Variants in TENM2 observed in about 807,000 individuals in gnomAD.
The protein encoded by TENM2 is teneurin-2.
A neutral mutation model predicts 245.2 loss-of-function variants in TENM2; 52 were observed. The ratio of observed to expected loss-of-function variants is 0.21; its 90% confidence interval spans 0.17 to 0.27. The LOEUF (loss-of-function observed/expected upper bound fraction) is 0.27, where lower values mean the gene tolerates loss of function less well. Among genes scored for constraint, TENM2 ranks in the 10% least tolerant of loss-of-function variants. The pLI is 1.00. For synonymous variants in TENM2, 1,363 were observed against 1,438.9 expected (o/e 0.95, Z 1.19); for missense variants, 3,046 against 3,666.8 (o/e 0.83, Z 4.37).
intron 13 of TENM2, chr5:168,166,002 GC>G (rs1386695944): frequency 6.6e-6 from 1 of 152,056 alleles, no homozygotes; most frequent in African/African-American, 2.4e-5. Flanking sequence ...TAGGAGGTGT[GC>G]TAAGCACTTT....
chr5:167,779,884 G>A (rs1469643953), intron 2 of TENM2, among the ~76,000 whole-genome samples: 1 of 152,206 alleles, frequency 6.6e-6, no homozygotes, highest in Non-Finnish European at 1.5e-5. Context: ...GGGGAGGGAG[G>A]AAGGAAACAC....
At chr5:167,253,463 A>G in the TENM2 span, among the ~76,000 whole-genome samples, 1 of 152,122 alleles carries the variant, frequency 6.6e-6, no homozygotes, top group East Asian at 1.9e-4. Context: ...AAACAAAAAA[A>G]AGTGACCTCT....
chr5:166,990,590 A>G, the TENM2 span, among the ~76,000 whole-genome samples: 1 of 151,824 alleles, frequency 6.6e-6, no homozygotes, highest in African/African-American at 2.4e-5. Context: ...ATGGTTCTCC[A>G]GTTTGGGGAA....
chr5:167,329,972 T>G (rs1757344654), intron 1 of TENM2, among the ~76,000 whole-genome samples: 1 of 152,194 alleles, frequency 6.6e-6, no homozygotes. Flanking sequence ...ACAAATTATG[T>G]TACTGTCCTG....
At chr5:167,025,185 T>G in the TENM2 span, among the ~76,000 whole-genome samples, 1 of 152,348 alleles carries the variant, frequency 6.6e-6, no homozygotes, top group African/African-American at 2.4e-5. Context: ...TTAATTTTAA[T>G]AATATATTTT....
At chr5:167,999,604 G>T (rs1431319267) in intron 5 of TENM2, among the ~76,000 whole-genome samples, 1 of 152,174 alleles carries the variant, frequency 6.6e-6, no homozygotes, top group Admixed American at 6.5e-5. Context: ...TTGACATTCA[G>T]AAAAAATGAA....
At chr5:167,976,990 A>C (rs1782489489) in intron 4 of TENM2, among the ~76,000 whole-genome samples, 1 of 152,334 alleles carries the variant, frequency 6.6e-6, no homozygotes, top group African/African-American at 2.4e-5. Flanking sequence ...ATGCAGCCAT[A>C]AAAAATGAGA....
At chr5:167,033,244 G>C in the TENM2 span, among the ~76,000 whole-genome samples, 3 of 152,144 alleles carry the variant, frequency 2.0e-5, no homozygotes. Context: ...CTTTATTCGT[G>C]CTATTTTTTG....
intron 2 of TENM2, among the ~76,000 whole-genome samples, chr5:167,454,490 G>A (rs1216714089): frequency 2.6e-5 from 4 of 151,722 alleles, no homozygotes; most frequent in Non-Finnish European, 4.4e-5. Context: ...GTGCACACGT[G>A]TGTATGTGTC....
chr5:168,167,037 G>A (rs1329012794), intron 13 of TENM2, among the ~76,000 whole-genome samples: 1 of 152,118 alleles, frequency 6.6e-6, no homozygotes, highest in Non-Finnish European at 1.5e-5. Flanking sequence ...AAATGGTTCA[G>A]ACAGACACGG....
chr5:167,986,052 T>A (rs957581891), intron 4 of TENM2, among the ~76,000 whole-genome samples: 2 of 152,140 alleles, frequency 1.3e-5, no homozygotes, highest in Non-Finnish European at 2.9e-5. Flanking sequence ...GAGGTTTTTT[T>A]GTTTGTTAGG....
intron 3 of TENM2, among the ~76,000 whole-genome samples, chr5:167,883,748 A>G (rs188301656): frequency 2.4e-4 from 36 of 152,304 alleles, no homozygotes; most frequent in Middle Eastern, 3.4e-3. Context: ...TTTACCCAGA[A>G]CTTCAGCTTC....
intron 2 of TENM2, among the ~76,000 whole-genome samples, chr5:167,633,230 G>A (rs1053544431): frequency 2.0e-5 from 3 of 152,138 alleles, no homozygotes; most frequent in Admixed American, 6.5e-5. Context: ...GAGGAGGTTC[G>A]CTAAGTAACT....
chr5:167,238,659 T>G, the TENM2 span, among the ~76,000 whole-genome samples: 1 of 128,436 alleles, frequency 7.8e-6, no homozygotes, highest in African/African-American at 3.2e-5. Flanking sequence ...AATGACTAGA[T>G]AAGTTGGCCT....
the TENM2 span, among the ~76,000 whole-genome samples, chr5:167,049,776 A>G: frequency 6.6e-6 from 1 of 152,214 alleles, no homozygotes; most frequent in African/African-American, 2.4e-5. Context: ...TTAACTAAGA[A>G]GCTGGTTGGT....
In TENM2 at chr5:168,247,545, C is replaced by T; in HGVS notation, c.6606C>T (p.Thr2202=). Residue 2202 remains threonine (T), a synonymous_variant, in exon 27 of 29, where the codon ACC becomes ACT. Transcript: ENST00000518659. This position sits in a 1 kb window ranked among gnomAD's most constrained non-coding sequence, Gnocchi z 7.8. ...CCTATGCCAATACCACGAAGTACACCTATGACTACGATGGGGACGGGCAGC... is the reference window on the plus strand; with the variant it reads ...CCTATGCCAATACCACGAAGTACACTTATGACTACGATGGGGACGGGCAGC... 6.2e-7 allele frequency: 1 copy of T among 1,613,094 alleles called. No homozygotes were observed. Among genetic ancestry groups the T allele is most frequent in the Non-Finnish European group, 8.5e-7 (1 of 1,179,182 alleles).
rs1162988317 is a variant in TENM2, at chr5:167,716,881, TTTATATTTTATTTTATTTTATTTTA to T, written c.503-159102_503-159078del. 6.4e-4 allele frequency among the ~76,000 whole-genome samples: 93 copies of T among 146,280 alleles called. 1 individual carries two copies. Among genetic ancestry groups the T allele is most frequent in the African/African-American group, 2.3e-3 (92 of 39,710 alleles). ...ATCTTTACTCAACTTTGGGTCTTTT[TTTATATTTTATTTTATTTTATTTTA>T]TTTTATTTTATTTTATTTTATTTTA... On this transcript the variant is annotated intron_variant, in intron 2 of 28. Coordinates refer to ENST00000518659, the Ensembl canonical transcript of TENM2.
chr5:167,386,493 T>G (rs1049897964), intron 2 of TENM2, among the ~76,000 whole-genome samples: 1 of 152,234 alleles, frequency 6.6e-6, no homozygotes, highest in Admixed American at 6.5e-5. Flanking sequence ...ACTTTTCCTT[T>G]TGCCATCCAG....
chr5:167,558,008 G>A (rs1279356169), intron 2 of TENM2, among the ~76,000 whole-genome samples: 1 of 152,212 alleles, frequency 6.6e-6, no homozygotes, highest in Non-Finnish European at 1.5e-5. Context: ...TGGAGCAGGA[G>A]GGTTTATTTT....
Sources: gnomAD v4.1 joint callset for allele counts (sites outside exome capture counted in the v4.1 genomes callset) on GRCh38, gnomAD v4.1.1 for gene constraint, Gnocchi (gnomAD v3.1) non-coding constraint, MANE v1.5 for transcripts, NCBI Gene and HGNC (gene_info 2026-07-23, HGNC 2026-07-21) for gene names.